UHRF2: variants seen among roughly 807,000 people sequenced by gnomAD.
The protein encoded by UHRF2 is E3 ubiquitin-protein ligase UHRF2.
Under a neutral mutation model 96.8 loss-of-function variants are expected in UHRF2, and 23 were observed. That is an observed-to-expected ratio of 0.24 (90% confidence interval 0.17 to 0.34). The LOEUF (loss-of-function observed/expected upper bound fraction) is 0.34. Among genes scored for constraint, UHRF2 ranks in the 10% least tolerant of loss-of-function variants. The probability of loss-of-function intolerance (pLI) is 1.00; values close to 1 mark genes in which losing one functional copy is unlikely to be tolerated. For missense variants in UHRF2, 685 were observed against 981.5 expected (o/e 0.70, Z 4.04); for synonymous variants, 385 against 332.6 (o/e 1.16, Z -1.72).
At chr9:6,417,027 T>C (rs1256316100) in intron 1 of UHRF2, among the ~76,000 whole-genome samples, 1 of 152,142 alleles carries the variant, frequency 6.6e-6, no homozygotes, top group Non-Finnish European at 1.5e-5. Flanking sequence ...AATATCTATG[T>C]ATATATTATA....
chr9:6,442,627 C>T (rs891473944), intron 3 of UHRF2, among the ~76,000 whole-genome samples: 3 of 150,190 alleles, frequency 2.0e-5, no homozygotes, highest in Non-Finnish European at 1.5e-5. Context: ...CACAGGTGCA[C>T]ACCACTGTGA....
intron 3 of UHRF2, among the ~76,000 whole-genome samples, chr9:6,437,892 G>A (rs1379929950): frequency 6.6e-6 from 1 of 151,964 alleles, no homozygotes; most frequent in East Asian, 1.9e-4. Context: ...GATTACAGGT[G>A]TGAGCCACCG....
chr9:6,427,516 G>A (rs1022563095), intron 2 of UHRF2, among the ~76,000 whole-genome samples: 4 of 151,922 alleles, frequency 2.6e-5, no homozygotes, highest in Admixed American at 6.6e-5. Context: ...GTGAAACTCC[G>A]TCTCTACTGA....
intron 3 of UHRF2, among the ~76,000 whole-genome samples, chr9:6,449,844 A>G (rs1563765420): frequency 6.6e-6 from 1 of 152,116 alleles, no homozygotes; most frequent in South Asian, 2.1e-4. Flanking sequence ...AATATTTCCC[A>G]TGTGTTGTCA....
chr9:6,472,793 G>T (rs1353690162), intron 4 of UHRF2, among the ~76,000 whole-genome samples: 5 of 152,170 alleles, frequency 3.3e-5, no homozygotes, highest in African/African-American at 1.2e-4. Context: ...TGTAATGTGG[G>T]ATAAAGCAAA....
chr9:6,505,306 T>C (rs1272150617), intron 15 of UHRF2, among the ~76,000 whole-genome samples: 1 of 152,092 alleles, frequency 6.6e-6, no homozygotes, highest in East Asian at 1.9e-4. Flanking sequence ...TATATATATA[T>C]ATATTTTTTG....
At chr9:6,484,322 A>C (rs1824115217) in intron 8 of UHRF2, among the ~76,000 whole-genome samples, 1 of 151,820 alleles carries the variant, frequency 6.6e-6, no homozygotes, top group Admixed American at 6.6e-5. Flanking sequence ...GCAGTACTCC[A>C]GCCTTGGCCT....
rs774962357 is a variant in UHRF2, at chr9:6,475,343, C to T, written c.864-48C>T. 9 of 1,184,432 alleles carry T rather than the reference C, an allele frequency of 7.6e-6. No individual in the cohort carries two copies. The East Asian group carries it at 1.8e-4, about 23-fold the overall frequency. 73.4% of individuals were successfully genotyped at this position (1,184,432 alleles called of 1,614,324 possible). ...GGCTTTTAATTATTATTTGTATATA[C>T]CTTAGATTTTGCTGGCAGAAGTTAA... On this transcript the variant is annotated intron_variant, in intron 4 of 15. Transcript: ENST00000276893.
At chr9:6,423,668 G>A (rs111518641) in intron 2 of UHRF2, among the ~76,000 whole-genome samples, 2,808 of 149,990 alleles carry the variant, frequency 0.019, 30 homozygotes, top group Middle Eastern at 0.052. Flanking sequence ...AGTCTCGGCC[G>A]GGCGTGGTGG....
At chr9:6,424,169 A>G (rs970334317) in intron 2 of UHRF2, among the ~76,000 whole-genome samples, 9 of 152,224 alleles carry the variant, frequency 5.9e-5, no homozygotes, top group South Asian at 2.1e-4. Context: ...GTTGCAGCCT[A>G]TGGATACCTG....
intron 1 of UHRF2, among the ~76,000 whole-genome samples, chr9:6,416,219 A>G (rs1289405912): frequency 2.7e-5 from 4 of 150,872 alleles, no homozygotes; most frequent in East Asian, 2.0e-4. Context: ...GTGCGCCACC[A>G]CTCCCGGCAA....
rs537719559 is a variant in UHRF2, at chr9:6,426,423, C to A, written c.384+5281C>A. 2.0e-5 allele frequency among the ~76,000 whole-genome samples: 3 copies of A among 152,280 alleles called. No individual in the cohort carries two copies. In the East Asian group the frequency reaches 5.8e-4, roughly 29 times the overall value. On this transcript the variant is annotated intron_variant, in intron 2 of 15. Coordinates refer to ENST00000276893, the MANE Select transcript of UHRF2 (RefSeq NM_152896.3). ...TCCCCATTTAGGAGCACATTGGAAT[C>A]TAGTAATAAAATTCTCAGAAGGTTG...
chr9:6,422,294 C>G (rs1244948090), intron 2 of UHRF2, among the ~76,000 whole-genome samples: 1 of 151,952 alleles, frequency 6.6e-6, no homozygotes, highest in Non-Finnish European at 1.5e-5. Context: ...TTTGGTCAGG[C>G]TGGTCTCGAA....
chr9:6,450,585 A>C (rs536449931), intron 3 of UHRF2, among the ~76,000 whole-genome samples: 1 of 152,270 alleles, frequency 6.6e-6, no homozygotes, highest in Admixed American at 6.5e-5. Context: ...GATACACTCA[A>C]AATTTGTTAC....
chr9:6,474,765 T>G (rs201894689), intron 4 of UHRF2, among the ~76,000 whole-genome samples: 42 of 152,104 alleles, frequency 2.8e-4, no homozygotes, highest in Non-Finnish European at 5.6e-4. Context: ...ACACCCGTAG[T>G]AGGAAACTTT....
intron 2 of UHRF2, among the ~76,000 whole-genome samples, chr9:6,433,488 T>G (rs1342002960): frequency 6.6e-6 from 1 of 152,212 alleles, no homozygotes; most frequent in Non-Finnish European, 1.5e-5. Context: ...ACTTTACTGT[T>G]TTCTGGTTGG....
At chr9:6,417,071 T>C (rs1421941239) in intron 1 of UHRF2, among the ~76,000 whole-genome samples, 3 of 152,156 alleles carry the variant, frequency 2.0e-5, no homozygotes, top group African/African-American at 7.2e-5. Flanking sequence ...TACACACATA[T>C]ATAATATGTG....
intron 1 of UHRF2, among the ~76,000 whole-genome samples, chr9:6,414,510 GT>G (rs1196388845): frequency 6.6e-6 from 1 of 152,132 alleles, no homozygotes; most frequent in Admixed American, 6.6e-5. Context: ...GCCAGTCTAA[GT>G]TTTTTTCCTA....
chr9:6,416,773 C>T (rs1819631725), intron 1 of UHRF2, among the ~76,000 whole-genome samples: 2 of 151,538 alleles, frequency 1.3e-5, no homozygotes, highest in Non-Finnish European at 1.5e-5. Flanking sequence ...GTGATCCGCC[C>T]GCCTCGGCCT....
Sources: allele counts gnomAD v4.1 joint callset (sites outside exome capture counted in the v4.1 genomes callset), GRCh38; gene constraint gnomAD v4.1.1; transcripts MANE v1.5; gene names NCBI Gene and HGNC (gene_info 2026-07-23, HGNC 2026-07-21).